PGM1: variants seen among roughly 807,000 people sequenced by gnomAD.
PGM1 encodes phosphoglucomutase-1.
Under a neutral mutation model 55.6 loss-of-function variants are expected in PGM1, and 52 were observed. The observed-to-expected ratio is 0.94, with a 90% CI of 0.75 to 1.18. The LOEUF (loss-of-function observed/expected upper bound fraction) is 1.18. PGM1 is among the 50% of genes most tolerant of loss of function. The pLI is 0.00. For synonymous variants in PGM1, 287 were observed against 271.7 expected (o/e 1.06, Z -0.55); for missense variants, 724 against 729.3 (o/e 0.99, Z 0.08).
At chr1:63,646,237 G>C (rs1649641756) in intron 7 of PGM1, among the ~76,000 whole-genome samples, 1 of 152,130 alleles carries the variant, frequency 6.6e-6, no homozygotes, top group South Asian at 2.1e-4. Flanking sequence ...TTCAACATAG[G>C]ATAATGTGAG....
intron 10 of PGM1, among the ~76,000 whole-genome samples, chr1:63,654,680 CAGG>C (rs776109763): frequency 1.3e-5 from 2 of 151,850 alleles, no homozygotes; most frequent in Non-Finnish European, 2.9e-5. Context: ...CACCTGAGCC[CAGG>C]AGGTCAAGCC....
intron 4 of PGM1, among the ~76,000 whole-genome samples, chr1:63,632,424 CT>C (rs1256958555): frequency 2.6e-5 from 4 of 152,142 alleles, no homozygotes; most frequent in Non-Finnish European, 5.9e-5. Context: ...CAACTGAACC[CT>C]TTTAGTGATG....
chr1:63,633,932 ATTTTTTTTTT>A (rs60609353), intron 4 of PGM1, among the ~76,000 whole-genome samples: 3 of 35,344 alleles, frequency 8.5e-5, no homozygotes, highest in Non-Finnish European at 1.4e-4. Context: ...ATATATATAT[ATTTTTTTTTT>A]TTTTTTTTTT....
At chr1:63,633,166 A>G (rs2100985203) in intron 4 of PGM1, among the ~76,000 whole-genome samples, 1 of 152,294 alleles carries the variant, frequency 6.6e-6, no homozygotes, top group East Asian at 1.9e-4. Flanking sequence ...GTGGCATCCA[A>G]CTCAGTTCTT....
chr1:63,658,983 A>G (rs540924318), intron 10 of PGM1, among the ~76,000 whole-genome samples: 64 of 152,318 alleles, frequency 4.2e-4, no homozygotes, highest in Admixed American at 1.5e-3. Context: ...TTTTAAAACC[A>G]TTAGATCTCA....
intron 1 of PGM1, among the ~76,000 whole-genome samples, chr1:63,602,522 C>T (rs1211674160): frequency 6.6e-6 from 1 of 152,170 alleles, no homozygotes; most frequent in Non-Finnish European, 1.5e-5. Context: ...CTAACCAGGT[C>T]ACCACATGTA....
chr1:63,657,462 A>G (rs1208357137), intron 10 of PGM1, among the ~76,000 whole-genome samples: 4 of 152,230 alleles, frequency 2.6e-5, no homozygotes, highest in African/African-American at 9.6e-5. Flanking sequence ...CAGAATAAGC[A>G]GCACTCTTAG....
At chr1:63,604,413 G>A (rs887777517) in intron 1 of PGM1, among the ~76,000 whole-genome samples, 1 of 152,088 alleles carries the variant, frequency 6.6e-6, no homozygotes, top group Middle Eastern at 3.2e-3. Flanking sequence ...GTTGCAGATG[G>A]CTTCTACTAC....
chr1:63,593,937 G>T (rs1397644131), intron 1 of PGM1: 1 of 1,220,692 alleles, frequency 8.2e-7, no homozygotes, highest in African/African-American at 1.6e-5. Context: ...GTGGCCACGG[G>T]ACCCGGCAGA....
intron 1 of PGM1, chr1:63,600,021 T>C (rs2100955436): frequency 6.6e-6 from 1 of 152,224 alleles, no homozygotes; most frequent in East Asian, 1.9e-4. Flanking sequence ...AGAGAGAACA[T>C]TTTGGATTGG....
At chr1:63,651,949 CT>C in intron 9 of PGM1, 97 bp downstream of exon 9, 2 of 1,170,004 alleles carry the variant, frequency 1.7e-6, no homozygotes, top group Non-Finnish European at 2.5e-6. Flanking sequence ...GGCTATTTTT[CT>C]TTTGCTGCTG....
intron 1 of PGM1, among the ~76,000 whole-genome samples, chr1:63,624,478 A>G (rs1213770535): frequency 6.6e-6 from 1 of 152,252 alleles, no homozygotes; most frequent in Non-Finnish European, 1.5e-5. Context: ...ATATTGTACC[A>G]GAACGCATTG....
At chr1:63,634,307 C>G (rs1470455036) in intron 4 of PGM1, among the ~76,000 whole-genome samples, 1 of 152,144 alleles carries the variant, frequency 6.6e-6, no homozygotes, top group Non-Finnish European at 1.5e-5. Flanking sequence ...GCTATTAACT[C>G]ATTTAATCCT....
intron 3 of PGM1, 69 bp from the exon 4 acceptor site, chr1:63,631,587 GT>G: frequency 6.9e-7 from 1 of 1,448,644 alleles, no homozygotes; most frequent in Non-Finnish European, 9.7e-7. Flanking sequence ...CAGCAATATA[GT>G]CACATCAGAA....
chr1:63,606,107 C>G (rs1050299093), intron 1 of PGM1, among the ~76,000 whole-genome samples: 3 of 152,222 alleles, frequency 2.0e-5, no homozygotes, highest in Non-Finnish European at 2.9e-5. Context: ...GAGCTCCCGT[C>G]TTTATTGTAG....
chr1:63,621,209 G>C (rs140797814), intron 1 of PGM1, among the ~76,000 whole-genome samples: 1 of 151,900 alleles, frequency 6.6e-6, no homozygotes, highest in Non-Finnish European at 1.5e-5. Flanking sequence ...GGCATGTGTC[G>C]TTGCTTAAAA....
chr1:63,646,586 C>T (rs920718326), intron 7 of PGM1, among the ~76,000 whole-genome samples: 11 of 152,102 alleles, frequency 7.2e-5, no homozygotes, highest in Non-Finnish European at 1.3e-4. Context: ...AGGCTTTGAT[C>T]CTTTTTTGCC....
intron 4 of PGM1, among the ~76,000 whole-genome samples, chr1:63,633,918 G>T (rs12137226): frequency 7.5e-5 from 2 of 26,756 alleles, no homozygotes; most frequent in African/African-American, 1.2e-4. Flanking sequence ...GTGTGTGTGT[G>T]TATATATATA....
chr1:63,606,821 A>G (rs550073801), intron 1 of PGM1, among the ~76,000 whole-genome samples: 3 of 152,338 alleles, frequency 2.0e-5, no homozygotes, highest in Admixed American at 2.0e-4. Flanking sequence ...TTCAAGTGGT[A>G]GTGTTACAGA....
Sources: gnomAD v4.1 joint callset for allele counts (sites outside exome capture counted in the v4.1 genomes callset) on GRCh38, gnomAD v4.1.1 for gene constraint, MANE v1.5 for transcripts, NCBI Gene and HGNC (gene_info 2026-07-23, HGNC 2026-07-21) for gene names.